Variants in PHF11 observed in about 807,000 individuals in gnomAD.
The protein encoded by PHF11 is BRCA1 C-terminus-associated protein.
In PHF11, 38 loss-of-function variants were observed where a neutral mutation model predicts 40.5. The observed-to-expected ratio is 0.94, with a 90% CI of 0.72 to 1.23. The LOEUF (loss-of-function observed/expected upper bound fraction) is 1.23, where lower values mean the gene tolerates loss of function less well. Ranked by LOEUF, PHF11 falls within the 50% of genes most tolerant of loss-of-function variation. PHF11 has a pLI of 0.00. For synonymous variants in PHF11, 127 were observed against 138.2 expected (o/e 0.92, Z 0.57); for missense variants, 369 against 392.4 (o/e 0.94, Z 0.50).
chr13:49,509,544 G>A (rs113956242), intron 2 of PHF11, among the ~76,000 whole-genome samples: 1 of 152,178 alleles, frequency 6.6e-6, no homozygotes, highest in African/African-American at 2.4e-5. Context: ...AAGGTGATAT[G>A]CTTTGGCTGT....
intron 8 of PHF11, 123 bp from the exon 9 acceptor site, chr13:49,526,264 C>A: frequency 1.6e-6 from 1 of 626,294 alleles, no homozygotes; most frequent in Non-Finnish European, 2.9e-6. Context: ...TGCCATCTAA[C>A]ATTAAAGTTC....
At chr13:49,504,612 G>A (rs1160032141) in intron 1 of PHF11, among the ~76,000 whole-genome samples, 2 of 146,624 alleles carry the variant, frequency 1.4e-5, no homozygotes, top group Non-Finnish European at 1.5e-5. Context: ...CCCCCCGCCC[G>A]GCCAGCCGCC....
At chr13:49,513,287 G>T in intron 3 of PHF11, 121 bp downstream of exon 3, 1 of 551,622 alleles carries the variant, frequency 1.8e-6, no homozygotes. Context: ...GCTGGAAGAA[G>T]TAGGAACTGT....
At chr13:49,509,555 G>T (rs192417722) in intron 2 of PHF11, among the ~76,000 whole-genome samples, 1 of 152,220 alleles carries the variant, frequency 6.6e-6, no homozygotes, top group East Asian at 1.9e-4. Flanking sequence ...CTTTGGCTGT[G>T]TCCCCACCCA....
intron 8 of PHF11, chr13:49,525,749 A>G: frequency 2.2e-6 from 1 of 453,012 alleles, no homozygotes; most frequent in South Asian, 1.6e-5. Context: ...TTATTATACT[A>G]TTTTATTCAT....
chr13:49,501,632 C>G (rs1435119480), intron 1 of PHF11, among the ~76,000 whole-genome samples: 3 of 152,138 alleles, frequency 2.0e-5, no homozygotes, highest in Admixed American at 6.5e-5. Flanking sequence ...AGATTCCCAT[C>G]TCATACATTA....
At position 49,528,831 on chromosome 13, in the gene PHF11, C is replaced by CT. The variant is rs1160092182; in HGVS notation, c.*168dup. 5.5e-6 allele frequency: 3 copies of CT among 544,074 alleles called. No individual in the cohort carries two copies. Among genetic ancestry groups the CT allele is most frequent in the Non-Finnish European group, 9.7e-6 (3 of 310,394 alleles). The allele number at this position is 544,074 out of a possible 1,614,324, so 33.7% of individuals were successfully genotyped here. On this transcript the variant is annotated 3_prime_UTR_variant, in exon 10 of 10. Coordinates refer to ENST00000378319, the MANE Select transcript of PHF11 (RefSeq NM_001040443.3). ...ACATTTTGATCACTCTTTGCACACT[C>CT]TTGTGTTTTTTGCTCACTGTCACAT...
At chr13:49,500,864 A>G (rs561351720) in intron 1 of PHF11, among the ~76,000 whole-genome samples, 1 of 152,092 alleles carries the variant, frequency 6.6e-6, no homozygotes, top group South Asian at 2.1e-4. Context: ...CAGCTCAGGT[A>G]TCAGTGACTT....
chr13:49,499,828 A>G (rs992814070), intron 1 of PHF11, among the ~76,000 whole-genome samples: 2 of 152,258 alleles, frequency 1.3e-5, no homozygotes, highest in African/African-American at 4.8e-5. Flanking sequence ...CCAGTCCAGA[A>G]CAAATCTATA....
chr13:49,523,313 A>ATTATT, intron 7 of PHF11, 72 bp downstream of exon 7: 1 of 977,626 alleles, frequency 1.0e-6, no homozygotes, highest in Non-Finnish European at 1.6e-6. Context: ...ACCTGTTTCA[A>ATTATT]ACTTGGTATC....
At chr13:49,522,599 T>C (rs1008900455) in intron 6 of PHF11, among the ~76,000 whole-genome samples, 10 of 152,128 alleles carry the variant, frequency 6.6e-5, no homozygotes, top group Admixed American at 6.6e-4. Flanking sequence ...ATTTTGGGGA[T>C]TTGAGTTTTT....
At chr13:49,506,543 A>G in intron 1 of PHF11, 92 bp from the exon 2 acceptor site, 1 of 1,100,494 alleles carries the variant, frequency 9.1e-7, no homozygotes, top group Non-Finnish European at 1.4e-6. Flanking sequence ...CATAAAAACA[A>G]GTGCCCTGCC....
intron 1 of PHF11, among the ~76,000 whole-genome samples, chr13:49,501,138 C>A (rs1054511899): frequency 6.6e-6 from 1 of 151,894 alleles, no homozygotes; most frequent in Non-Finnish European, 1.5e-5. Flanking sequence ...CTCAGCCTCC[C>A]GAGTAGCGGG....
At chr13:49,519,039 GT>G (rs1959175267) in intron 4 of PHF11, among the ~76,000 whole-genome samples, 2 of 151,998 alleles carry the variant, frequency 1.3e-5, no homozygotes, top group African/African-American at 4.8e-5. Context: ...GTTTCACCGT[GT>G]TAGCCAGGAT....
rs769668281 is a variant in PHF11 at position 49,518,054 on chromosome 13, G to A, written c.361G>A (p.Gly121Arg). The A allele has an allele frequency of 1.6e-5, 25 of 1,587,534 alleles. No homozygotes were observed. Among genetic ancestry groups the A allele is most frequent in the Non-Finnish European group, 1.7e-6 (2 of 1,158,644 alleles). ...TTGTCATAAAAGAGGAGCCACCGTG[G>A]GATGTGATTTAAAAAACTGTAACAA... ...KFCHKRGATV[G>R]CDLKNCNKNY... The change falls in exon 4 of 10, where the codon GGA (glycine) becomes AGA (arginine). Residue 121 changes from glycine (G) to arginine (R), a missense_variant. Physicochemically the swap from Gly to Arg is moderately radical, Grantham distance 125. Transcript: ENST00000378319.
intron 5 of PHF11, chr13:49,521,446 G>T (rs1959187142): frequency 1.0e-6 from 1 of 986,132 alleles, no homozygotes; most frequent in Non-Finnish European, 1.2e-6. Context: ...TTGTGAAGTG[G>T]AGTCAGGACC....
Position 49,521,484 on chromosome 13 carries a change from G to A in PHF11, c.505+544G>A, listed in dbSNP as rs1340237433. ...GTTGGAAGACTTCGTTCTGCGTCAT[G>A]CCAACTGCATTTTATGGTGATAACA... On this transcript the variant is annotated intron_variant, in intron 5 of 9. Coordinates refer to ENST00000378319, the MANE Select transcript of PHF11 (RefSeq NM_001040443.3). 3.0e-6 allele frequency: 3 copies of A among 986,014 alleles called. No individual in the cohort carries two copies. The African/African-American group carries it at 5.2e-5, about 17-fold the overall frequency. The allele number at this position is 986,014 out of a possible 1,614,324, so 61.1% of individuals were successfully genotyped here. A position where few individuals can be genotyped will look rare whatever the true frequency, so the allele number is the denominator to read the frequency against.
rs1231170158 is a variant in PHF11 at position 49,526,600 on chromosome 13, A to G, written c.841+142A>G. The G allele has an allele frequency of 1.6e-5, 10 of 641,384 alleles. No individual in the cohort carries two copies. In the East Asian group the frequency reaches 2.8e-4, roughly 18 times the overall value. The allele number at this position is 641,384 out of a possible 1,614,324, so 39.7% of individuals were successfully genotyped here. On this transcript the variant is annotated intron_variant, in intron 9 of 9. Coordinates refer to ENST00000378319, the MANE Select transcript of PHF11 (RefSeq NM_001040443.3). ...TAAATGAGAAAAGCCAATTACAAAA[A>G]CAGTATGACCCCGCCCACCTGCCCA...
chr13:49,501,952 A>T (rs1351164945), intron 1 of PHF11, among the ~76,000 whole-genome samples: 1 of 151,920 alleles, frequency 6.6e-6, no homozygotes. Flanking sequence ...CGGCCTCCCA[A>T]AGTGCTGGGA....
Sources: gnomAD v4.1 joint callset for allele counts (sites outside exome capture counted in the v4.1 genomes callset) on GRCh38, gnomAD v4.1.1 for gene constraint, MANE v1.5 for transcripts, NCBI Gene and HGNC (gene_info 2026-07-23, HGNC 2026-07-21) for gene names.